The following PLD5 variants were observed in gnomAD, a reference collection of about 807,000 sequenced individuals.
PLD5 encodes inactive phospholipase D5.
PLD5 carries 36 observed loss-of-function variants against 61.1 expected under a neutral mutation model. The observed-to-expected ratio is 0.59, with a 90% CI of 0.45 to 0.78. PLD5 has a LOEUF of 0.78. PLD5 is among the 30% of genes least tolerant of loss of function. PLD5 has a pLI of 0.00. For synonymous variants in PLD5, 243 were observed against 242.8 expected (o/e 1.00, Z -0.01); for missense variants, 515 against 644.4 (o/e 0.80, Z 2.17).
At chr1:242,395,618 T>C (rs1274545781) in intron 1 of PLD5, among the ~76,000 whole-genome samples, 1 of 152,112 alleles carries the variant, frequency 6.6e-6, no homozygotes, top group Non-Finnish European at 1.5e-5. Flanking sequence ...AGAGGCAGTA[T>C]TGAAACTCCA....
chr1:242,100,250 TTGGG>T (rs1660580281), intron 9 of PLD5, among the ~76,000 whole-genome samples: 1 of 152,086 alleles, frequency 6.6e-6, no homozygotes, highest in South Asian at 2.1e-4. Context: ...TGGCTGGGAA[TTGGG>T]AGTTTCGGCA....
intron 4 of PLD5, among the ~76,000 whole-genome samples, chr1:242,236,565 C>A (rs1428385062): frequency 6.6e-6 from 1 of 151,840 alleles, no homozygotes; most frequent in Non-Finnish European, 1.5e-5. Context: ...AAAAAACTCA[C>A]AAGCATCATA....
chr1:242,480,462 A>G (rs1002509443), intron 1 of PLD5, among the ~76,000 whole-genome samples: 6 of 151,814 alleles, frequency 4.0e-5, no homozygotes, highest in African/African-American at 1.4e-4. Flanking sequence ...CTTAAAGAGG[A>G]TATAAACAAC....
At chr1:242,449,512 G>A (rs773192772) in intron 1 of PLD5, 1 of 1,502,894 alleles carries the variant, frequency 6.7e-7, no homozygotes, top group Non-Finnish European at 8.8e-7. Context: ...CTCAATTGCT[G>A]GCCTCAATGC....
At chr1:242,126,766 C>G (rs986292499) in intron 5 of PLD5, among the ~76,000 whole-genome samples, 4 of 152,098 alleles carry the variant, frequency 2.6e-5, no homozygotes, top group African/African-American at 9.7e-5. Flanking sequence ...ATTTCATGAA[C>G]AAGTACCCAA....
chr1:242,403,212 T>G (rs1664038981), intron 1 of PLD5, among the ~76,000 whole-genome samples: 1 of 152,174 alleles, frequency 6.6e-6, no homozygotes, highest in Admixed American at 6.5e-5. Flanking sequence ...TGCAGCACAC[T>G]CTAGGGCTGT....
intron 2 of PLD5, among the ~76,000 whole-genome samples, chr1:242,315,722 C>T (rs1574717943): frequency 6.6e-6 from 1 of 152,276 alleles, no homozygotes; most frequent in East Asian, 1.9e-4. Context: ...AGCAGTCCTC[C>T]CAGGTAGCTG....
intron 4 of PLD5, among the ~76,000 whole-genome samples, chr1:242,246,518 A>ACACACACACAC (rs1256880675): frequency 8.1e-5 from 6 of 73,630 alleles, no homozygotes; most frequent in Non-Finnish European, 1.3e-4. Flanking sequence ...CACACACACA[A>ACACACACACAC]AAGCAAAATC....
At chr1:242,169,592 C>A (rs589333) in intron 5 of PLD5, among the ~76,000 whole-genome samples, 25 of 151,906 alleles carry the variant, frequency 1.6e-4, no homozygotes, top group Admixed American at 9.8e-4. Flanking sequence ...TATTCACCCC[C>A]CTGCAAAGGA....
In PLD5 at chr1:242,484,857, C is replaced by T. The variant is rs556539483; in HGVS notation, c.189+39231G>A. 1.7e-3 allele frequency among the ~76,000 whole-genome samples: 262 copies of T among 152,262 alleles called. 3 individuals carry two copies. Among genetic ancestry groups the T allele is most frequent in the African/African-American group, 6.1e-3 (252 of 41,544 alleles). On this transcript the variant is annotated intron_variant, in intron 1 of 9. Transcript: ENST00000536534. Reference sequence around the variant, plus strand: ...CCAACAGCACACCAAAAAGCTTATCCACCATGATCAAGTGGGCTTCATCCC... The same window carrying T: ...CCAACAGCACACCAAAAAGCTTATCTACCATGATCAAGTGGGCTTCATCCC...
intron 1 of PLD5, among the ~76,000 whole-genome samples, chr1:242,501,756 G>A (rs902489075): frequency 5.4e-5 from 8 of 148,386 alleles, no homozygotes; most frequent in Non-Finnish European, 1.2e-4. Context: ...ATTCTTATTT[G>A]TTCAATCTAA....
intron 5 of PLD5, among the ~76,000 whole-genome samples, chr1:242,156,362 A>G (rs148334219): frequency 1.9e-3 from 291 of 152,292 alleles, no homozygotes; most frequent in African/African-American, 6.8e-3. Flanking sequence ...TTTAAAGTTA[A>G]TATTGTTATG....
intron 3 of PLD5, among the ~76,000 whole-genome samples, chr1:242,270,175 G>T (rs970614739): frequency 2.6e-5 from 4 of 151,176 alleles, no homozygotes; most frequent in African/African-American, 7.3e-5. Context: ...AAATAAAAAG[G>T]TAAGCGAAAC....
At chr1:242,304,129 G>A (rs1428586470) in intron 2 of PLD5, among the ~76,000 whole-genome samples, 1 of 152,134 alleles carries the variant, frequency 6.6e-6, no homozygotes, top group Admixed American at 6.5e-5. Context: ...ATTCCTCAAA[G>A]GAATAGCATA....
rs552333062 is a variant in PLD5 at position 242,249,166 on chromosome 1, C to T, written c.607+16171G>A. Among the ~76,000 whole-genome samples the T allele has an allele frequency of 3.9e-3, 588 of 152,224 alleles. 5 individuals are homozygous for T. The highest frequency in any genetic ancestry group is 7.6e-3 in the Admixed American group (116 of 15,290). Reference sequence around the variant, plus strand: ...GGCCAATGTGATAGTATTGTTGGCCCCACTGTTGGTGGGGCCTTTAAGAGG... The same window carrying T: ...GGCCAATGTGATAGTATTGTTGGCCTCACTGTTGGTGGGGCCTTTAAGAGG... On this transcript the variant is annotated intron_variant, in intron 4 of 9. Coordinates refer to ENST00000536534, the MANE Select transcript of PLD5 (RefSeq NM_001372062.1).
chr1:242,306,284 C>A (rs1043030143), intron 2 of PLD5, among the ~76,000 whole-genome samples: 1 of 150,198 alleles, frequency 6.7e-6, no homozygotes, highest in African/African-American at 2.5e-5. Context: ...AATGGAGTAT[C>A]TTTTAAATCT....
chr1:242,186,520 A>T (rs1228934278), intron 5 of PLD5, among the ~76,000 whole-genome samples: 1 of 152,204 alleles, frequency 6.6e-6, no homozygotes, highest in South Asian at 2.1e-4. Flanking sequence ...AAGTTTCTTT[A>T]AAAAAAGGTA....
At chr1:242,352,461 C>T (rs557664133) in intron 1 of PLD5, among the ~76,000 whole-genome samples, 11 of 152,138 alleles carry the variant, frequency 7.2e-5, no homozygotes, top group Non-Finnish European at 5.9e-5. Context: ...TTGATGGGCA[C>T]TTAGGTTAAT....
At chr1:242,206,195 C>T (rs557215882) in intron 5 of PLD5, among the ~76,000 whole-genome samples, 6 of 152,284 alleles carry the variant, frequency 3.9e-5, no homozygotes, top group South Asian at 2.1e-4. Flanking sequence ...TCAGAACTAC[C>T]CCTTCTTCCT....
Sources: allele counts gnomAD v4.1 joint callset (sites outside exome capture counted in the v4.1 genomes callset), GRCh38; gene constraint gnomAD v4.1.1; transcripts MANE v1.5; gene names NCBI Gene and HGNC (gene_info 2026-07-23, HGNC 2026-07-21).